ROBO2: variants seen among roughly 807,000 people sequenced by gnomAD.
ROBO2 encodes the protein roundabout guidance receptor 2.
ROBO2 carries 53 observed loss-of-function variants against 160.8 expected under a neutral mutation model. That is an observed-to-expected ratio of 0.33 (90% CI 0.26 to 0.41). The LOEUF (loss-of-function observed/expected upper bound fraction) is 0.41, where lower values mean the gene tolerates loss of function less well. Among genes scored for constraint, ROBO2 ranks in the 10% least tolerant of loss-of-function variants. ROBO2 has a pLI of 1.00. For synonymous variants in ROBO2, 664 were observed against 611.7 expected (o/e 1.09, Z -1.26); for missense variants, 1,577 against 1,722.4 (o/e 0.92, Z 1.49).
chr3:77,374,372 G>A (rs901401706), intron 2 of ROBO2, among the ~76,000 whole-genome samples: 1 of 151,926 alleles, frequency 6.6e-6, no homozygotes, highest in Non-Finnish European at 1.5e-5. Flanking sequence ...TTCAGTGAAG[G>A]AAAGGAATTG....
At chr3:77,141,806 C>T (rs1001561036) in intron 2 of ROBO2, among the ~76,000 whole-genome samples, 1 of 152,154 alleles carries the variant, frequency 6.6e-6, no homozygotes, top group Non-Finnish European at 1.5e-5. Context: ...ACCAAACAAG[C>T]TTACTGAATG....
chr3:76,148,789 A>G (rs143537961), intron 2 of ROBO2, among the ~76,000 whole-genome samples: 7 of 152,100 alleles, frequency 4.6e-5, no homozygotes, highest in African/African-American at 9.6e-5. Flanking sequence ...GGCTTTCCCA[A>G]TCTCCTTTGT....
intron 2 of ROBO2, among the ~76,000 whole-genome samples, chr3:76,475,779 A>G (rs2078902227): frequency 6.6e-6 from 1 of 152,212 alleles, no homozygotes; most frequent in African/African-American, 2.4e-5. Flanking sequence ...CCCTCAGAGC[A>G]TCACCATTAA....
intron 3 of ROBO2, 146 bp downstream of exon 3, chr3:77,477,717 C>T (rs2084189433): frequency 1.1e-6 from 1 of 876,340 alleles, no homozygotes; most frequent in African/African-American, 1.7e-5. Flanking sequence ...GATTTAAAAA[C>T]ATTTGGATGA....
chr3:76,661,509 G>C (rs560725545), intron 2 of ROBO2, among the ~76,000 whole-genome samples: 44 of 152,256 alleles, frequency 2.9e-4, no homozygotes, highest in Middle Eastern at 6.8e-3. Flanking sequence ...TAGAGGGGCA[G>C]AGATTACAGG....
intron 2 of ROBO2, among the ~76,000 whole-genome samples, chr3:76,401,996 GT>G (rs1420957235): frequency 1.3e-5 from 2 of 151,404 alleles, no homozygotes; most frequent in Non-Finnish European, 3.0e-5. Flanking sequence ...GAATTTTTTA[GT>G]TTAACACTAA....
In ROBO2 at chr3:77,527,562, T is replaced by C. The variant is rs912599418; in HGVS notation, c.934+4660T>C. 19 of 516,960 alleles carry C rather than the reference T, an allele frequency of 3.7e-5. No homozygotes were observed. The African/African-American group carries it at 3.9e-4, about 11-fold the overall frequency. The allele number at this position is 516,960 out of a possible 1,614,324, so 32.0% of individuals were successfully genotyped here. ...TGTATGCTGTAAAAGTTGCTCATGT[T>C]TTTTTTACTCACTTTGATAAACAAT... On this transcript the variant is annotated intron_variant, in intron 6 of 25. Coordinates refer to ENST00000461745, the Ensembl canonical transcript of ROBO2.
intron 2 of ROBO2, among the ~76,000 whole-genome samples, chr3:76,842,501 TA>T (rs1372975386): frequency 3.3e-5 from 5 of 152,208 alleles, no homozygotes; most frequent in Admixed American, 2.6e-4. Flanking sequence ...CTGCTGCTTA[TA>T]AACCCTAGAG....
chr3:77,512,398 G>A (rs980206963), intron 5 of ROBO2, among the ~76,000 whole-genome samples: 1 of 151,958 alleles, frequency 6.6e-6, no homozygotes, highest in African/African-American at 2.4e-5. Context: ...AGTTTCTGCA[G>A]GAAAGTTTAT....
chr3:77,405,046 G>A (rs893398896), intron 2 of ROBO2, among the ~76,000 whole-genome samples: 5 of 152,096 alleles, frequency 3.3e-5, no homozygotes, highest in East Asian at 1.9e-4. Context: ...CCTATCCCAC[G>A]AGACTATGAG....
chr3:77,621,343 T>C (rs1429231459), intron 22 of ROBO2, among the ~76,000 whole-genome samples: 1 of 152,048 alleles, frequency 6.6e-6, no homozygotes, highest in Non-Finnish European at 1.5e-5. Context: ...GGAGGATCGC[T>C]TACGCCTGGG....
chr3:76,483,544 A>T (rs1193600900), intron 2 of ROBO2, among the ~76,000 whole-genome samples: 1 of 152,194 alleles, frequency 6.6e-6, no homozygotes, highest in African/African-American at 2.4e-5. Flanking sequence ...CATATGCAGA[A>T]TCCATATTAT....
chr3:76,249,379 A>G (rs1705840602), intron 2 of ROBO2, among the ~76,000 whole-genome samples: 2 of 152,120 alleles, frequency 1.3e-5, no homozygotes, highest in South Asian at 4.1e-4. Context: ...GGATTGGGAG[A>G]TATAGCAAAG....
At chr3:77,302,184 C>T (rs767233417) in intron 2 of ROBO2, among the ~76,000 whole-genome samples, 1 of 151,898 alleles carries the variant, frequency 6.6e-6, no homozygotes, top group Non-Finnish European at 1.5e-5. Flanking sequence ...TTAAATGATC[C>T]TCCTGCCTTG....
chr3:76,460,032 AT>A (rs1237418190), intron 2 of ROBO2, among the ~76,000 whole-genome samples: 1 of 152,008 alleles, frequency 6.6e-6, no homozygotes, highest in Non-Finnish European at 1.5e-5. Context: ...AGATATCTTT[AT>A]TTTTTTCTTA....
intron 2 of ROBO2, among the ~76,000 whole-genome samples, chr3:77,154,219 A>G (rs189100414): frequency 1.5e-4 from 23 of 152,242 alleles, no homozygotes; most frequent in Admixed American, 3.3e-4. Context: ...ATCTTCTATC[A>G]ATTTCTAAAC....
intron 6 of ROBO2, among the ~76,000 whole-genome samples, chr3:77,525,713 G>T: frequency 6.7e-6 from 1 of 149,654 alleles, no homozygotes; most frequent in Non-Finnish European, 1.5e-5. Flanking sequence ...TTAATTTTTT[G>T]GAATTATTCT....
intron 2 of ROBO2, among the ~76,000 whole-genome samples, chr3:76,366,161 G>A (rs551029618): frequency 2.9e-4 from 44 of 152,012 alleles, no homozygotes; most frequent in Admixed American, 5.9e-4. Context: ...TGGCTAATTC[G>A]CTCATTTCAC....
chr3:77,576,589 T>G (rs1021811634), intron 14 of ROBO2, among the ~76,000 whole-genome samples: 1 of 152,144 alleles, frequency 6.6e-6, no homozygotes, highest in East Asian at 1.9e-4. Context: ...CTCAGGCACA[T>G]TAAATGAGAG....
Sources: allele counts gnomAD v4.1 joint callset (sites outside exome capture counted in the v4.1 genomes callset), GRCh38; gene constraint gnomAD v4.1.1; transcripts MANE v1.5; gene names NCBI Gene and HGNC (gene_info 2026-07-23, HGNC 2026-07-21).